Variants in TOPAZ1 observed in about 807,000 individuals in gnomAD.
TOPAZ1 encodes the protein protein TOPAZ1.
TOPAZ1 carries 66 observed loss-of-function variants against 172.2 expected under a neutral mutation model. The observed-to-expected ratio is 0.38, with a 90% CI of 0.31 to 0.47. The LOEUF is 0.47. Ranked by LOEUF, TOPAZ1 falls within the 20% of genes least tolerant of loss-of-function variation. The probability of loss-of-function intolerance (pLI) is 0.99; values close to 1 mark genes in which losing one functional copy is unlikely to be tolerated. For missense variants in TOPAZ1, 1,822 were observed against 1,972.4 expected (o/e 0.92, Z 1.44); for synonymous variants, 681 against 683.9 (o/e 1.00, Z 0.07).
In TOPAZ1 at chr3:44,270,698, C is replaced by A; in HGVS notation, c.3260C>A (p.Ser1087Tyr). 1 of 1,547,688 alleles carries A rather than the reference C, an allele frequency of 6.5e-7. No individual in the cohort carries two copies. Among genetic ancestry groups the A allele is most frequent in the Non-Finnish European group, 8.7e-7 (1 of 1,145,022 alleles). Residue 1087 changes from serine (S) to tyrosine (Y), a missense_variant, in exon 8 of 20, where the codon TCC (serine) becomes TAC (tyrosine). Physicochemically the swap from Ser to Tyr is moderately radical, Grantham distance 144. Around this residue, in one of 2 missense-constraint regions of TOPAZ1, gnomAD observed 1,489 missense variants for 1,490.8 expected, o/e 1.00. Coordinates refer to ENST00000309765, the MANE Select transcript of TOPAZ1 (RefSeq NM_001145030.2). ...CTAATTTTCTAGGTGTTCCAGAAGTCCCTAGGGTTGATGATACCCTATAAA... is the reference window on the plus strand; with the variant it reads ...CTAATTTTCTAGGTGTTCCAGAAGTACCTAGGGTTGATGATACCCTATAAA... ...REKNVGVFQK[S>Y]LGLMIPYKYC...
chr3:44,267,879 A>G (rs370417411), intron 6 of TOPAZ1, among the ~76,000 whole-genome samples: 7 of 152,324 alleles, frequency 4.6e-5, no homozygotes, highest in South Asian at 2.1e-4. Context: ...GTTGTATACT[A>G]TAACAGCAAG....
Position 44,305,280 on chromosome 3 carries a change from A to T in TOPAZ1, c.3998A>T (p.Asp1333Val), listed in dbSNP as rs1302778168. 1 of 1,543,426 alleles carries T rather than the reference A, an allele frequency of 6.5e-7. No individual in the cohort carries two copies. The highest frequency in any genetic ancestry group is 1.4e-5 in the African/African-American group (1 of 72,480). The change falls in exon 14 of 20, where the codon GAT (aspartate) becomes GTT (valine). Residue 1333 changes from aspartate to valine, a missense_variant. Asp to Val is a radical substitution (Grantham distance 152). Around this residue, in one of 2 missense-constraint regions of TOPAZ1, gnomAD observed 333 missense variants for 481.7 expected, o/e 0.69. Coordinates refer to ENST00000309765, the MANE Select transcript of TOPAZ1 (RefSeq NM_001145030.2). ...GAAACACTCACAAAAAACTATGAAG[A>T]TGAAAGACCAGATATTCCCTTTTGT... ...IAETLTKNYE[D>V]ERPDIPFCEF... is the part of the protein sequence containing the mutation.
At chr3:44,247,171 A>G (rs1699576632) in intron 2 of TOPAZ1, among the ~76,000 whole-genome samples, 1 of 152,234 alleles carries the variant, frequency 6.6e-6, no homozygotes, top group Non-Finnish European at 1.5e-5. Flanking sequence ...ACATTTGTCT[A>G]TACATATAAG....
chr3:44,257,383 G>GTGTT (rs1027364097), intron 4 of TOPAZ1, among the ~76,000 whole-genome samples: 6 of 136,728 alleles, frequency 4.4e-5, no homozygotes, highest in African/African-American at 1.4e-4. Context: ...GTGTGTGTGT[G>GTGTT]TGTGTGTGTG....
rs186233793 is a variant in TOPAZ1, at chr3:44,323,323, T to C, written c.4675+28T>C. The C allele has an allele frequency of 1.3e-3, 1,909 of 1,419,328 alleles. 4 individuals are homozygous for C. Among genetic ancestry groups the C allele is most frequent in the Non-Finnish European group, 1.7e-3 (1,808 of 1,047,774 alleles). The allele number at this position is 1,419,328 out of a possible 1,614,324, so 87.9% of individuals were successfully genotyped here. A position where few individuals can be genotyped will look rare whatever the true frequency, so the allele number is the denominator to read the frequency against. ...AAGTTACATTTAAAATGTTTTAATA[T>C]ATTGGTTTATAATTGTATTCTCTAA... On this transcript the variant is annotated intron_variant, in intron 18 of 19. Coordinates refer to ENST00000309765, the MANE Select transcript of TOPAZ1 (RefSeq NM_001145030.2).
chr3:44,290,796 A>T lies in TOPAZ1; in HGVS notation c.3707A>T (p.Asp1236Val). Residue 1236 changes from aspartate (D) to valine (V), a missense_variant, in exon 12 of 20, where the codon GAC (aspartate) becomes GTC (valine). Asp to Val is a radical substitution (Grantham distance 152). Transcript: ENST00000309765. ...CTTGTTGAAGCCGGGATGGTGCTTG[A>T]CCCAGAGCACTTTAACTATATTGTT... ...CKLVEAGMVL[D>V]PEHFNYIVKL... is the part of the protein sequence containing the mutation. 1.3e-6 allele frequency: 2 copies of T among 1,549,486 alleles called. No individual in the cohort carries two copies. Among genetic ancestry groups the T allele is most frequent in the Non-Finnish European group, 1.7e-6 (2 of 1,146,280 alleles).
chr3:44,331,304 T>C (rs1330318172), intron 19 of TOPAZ1, among the ~76,000 whole-genome samples: 1 of 146,646 alleles, frequency 6.8e-6, no homozygotes, highest in Non-Finnish European at 1.5e-5. Flanking sequence ...ATTTTTTATG[T>C]ATGAAGGTAT....
chr3:44,256,399 CG>C lies in TOPAZ1; in HGVS notation c.2955+122del, dbSNP rs771584921. 436 of 899,350 alleles carry C rather than the reference CG, an allele frequency of 4.8e-4. 2 individuals carry two copies. The highest frequency in any genetic ancestry group is 6.4e-4 in the Non-Finnish European group (394 of 614,280). The allele number at this position is 899,350 out of a possible 1,614,324, so 55.7% of individuals were successfully genotyped here. A position where few individuals can be genotyped will look rare whatever the true frequency, so the allele number is the denominator to read the frequency against. On this transcript the variant is annotated intron_variant, in intron 4 of 19. Coordinates refer to ENST00000309765, the MANE Select transcript of TOPAZ1 (RefSeq NM_001145030.2). ...CTCCCTTTATTGAATAAAAGAATCACGTCACTCTAGCCATGGGATGTATCCC... is the reference window on the plus strand; with the variant it reads ...CTCCCTTTATTGAATAAAAGAATCACTCACTCTAGCCATGGGATGTATCCC...
At chr3:44,312,219 C>A in intron 16 of TOPAZ1, among the ~76,000 whole-genome samples, 1 of 145,212 alleles carries the variant, frequency 6.9e-6, no homozygotes, top group Admixed American at 6.9e-5. Context: ...TCTTCAAGAC[C>A]TATTGCAAAG....
intron 12 of TOPAZ1, among the ~76,000 whole-genome samples, chr3:44,299,264 A>G (rs1700241184): frequency 6.6e-6 from 1 of 152,100 alleles, no homozygotes; most frequent in South Asian, 2.1e-4. Flanking sequence ...GTAAACAAAC[A>G]AATGATACTG....
chr3:44,267,756 A>G (rs549945380), intron 6 of TOPAZ1, among the ~76,000 whole-genome samples: 6 of 152,202 alleles, frequency 3.9e-5, no homozygotes, highest in Non-Finnish European at 8.8e-5. Context: ...TATTTTGAAC[A>G]AAATAGACTA....
chr3:44,318,162 T>C (rs1349802842), intron 16 of TOPAZ1, among the ~76,000 whole-genome samples: 1 of 137,608 alleles, frequency 7.3e-6, no homozygotes, highest in Non-Finnish European at 1.6e-5. Context: ...CTCCACCTAC[T>C]GAGGGGCGGG....
Position 44,306,436 on chromosome 3 carries a change from T to A in TOPAZ1, c.4140+10T>A. The A allele has an allele frequency of 6.7e-7, 1 of 1,497,860 alleles. No homozygotes were observed. The highest frequency in any genetic ancestry group is 9.0e-7 in the Non-Finnish European group (1 of 1,105,298). The allele number at this position is 1,497,860 out of a possible 1,614,324, so 92.8% of individuals were successfully genotyped here. On this transcript the variant is annotated intron_variant, in intron 15 of 19. Coordinates refer to ENST00000309765, the MANE Select transcript of TOPAZ1 (RefSeq NM_001145030.2). ...GTTGCAGTGGTCCAAGGTACTTCAT[T>A]AAGTTTTTGTCTTGGCTTGGTATAG...
Position 44,242,111 on chromosome 3 carries a change from C to G in TOPAZ1, c.58C>G (p.Arg20Gly), listed in dbSNP as rs1381517987. The change falls in exon 1 of 20, where the codon CGA (arginine) becomes GGA (glycine). Residue 20 changes from arginine to glycine, a missense_variant. By Grantham distance (125) the Arg-to-Gly change is moderately radical (BLOSUM62 -2). Coordinates refer to ENST00000309765, the MANE Select transcript of TOPAZ1 (RefSeq NM_001145030.2). ...GGCCTCAGGGCCTGAAGGCAATGTGCGAAACCTGCAGAAGCGGCAGGCGCC... is the reference window on the plus strand; with the variant it reads ...GGCCTCAGGGCCTGAAGGCAATGTGGGAAACCTGCAGAAGCGGCAGGCGCC... The part of the protein sequence containing the change: ...TTASGPEGNV[R>G]NLQKRQAPGP... The G allele has an allele frequency of 6.5e-6, 10 of 1,548,436 alleles. No homozygotes were observed. The highest frequency in any genetic ancestry group is 1.4e-5 in the African/African-American group (1 of 73,100).
intron 18 of TOPAZ1, among the ~76,000 whole-genome samples, chr3:44,327,839 G>C (rs1004131379): frequency 2.0e-5 from 3 of 152,004 alleles, no homozygotes; most frequent in African/African-American, 7.3e-5. Context: ...CTGCCTCCCA[G>C]GTTCAAGTGA....
At chr3:44,264,954 C>T (rs1699814049) in intron 5 of TOPAZ1, among the ~76,000 whole-genome samples, 1 of 152,204 alleles carries the variant, frequency 6.6e-6, no homozygotes. Context: ...CTATGTCCTC[C>T]ACATTTGCAG....
intron 9 of TOPAZ1, among the ~76,000 whole-genome samples, chr3:44,284,253 G>T (rs866209214): frequency 6.6e-6 from 1 of 152,110 alleles, no homozygotes; most frequent in Non-Finnish European, 1.5e-5. Flanking sequence ...AATGCCGTAT[G>T]CATTAAACAA....
chr3:44,298,151 G>A (rs1383935196), intron 12 of TOPAZ1, among the ~76,000 whole-genome samples: 1 of 152,110 alleles, frequency 6.6e-6, no homozygotes, highest in Non-Finnish European at 1.5e-5. Flanking sequence ...AAAAGGACTA[G>A]AATAGCTAAG....
intron 12 of TOPAZ1, among the ~76,000 whole-genome samples, chr3:44,297,894 A>G (rs1204933433): frequency 6.6e-6 from 1 of 152,208 alleles, no homozygotes; most frequent in Non-Finnish European, 1.5e-5. Flanking sequence ...ATGGCTAAAA[A>G]CAAAAATTAG....
Sources: gnomAD v4.1 joint callset for allele counts (sites outside exome capture counted in the v4.1 genomes callset) on GRCh38, gnomAD v4.1.1 for gene constraint, gnomAD v4.1.1 regional missense constraint, MANE v1.5 for transcripts, NCBI Gene and HGNC (gene_info 2026-07-23, HGNC 2026-07-21) for gene names.